Variants in RAB2A observed in about 807,000 individuals in gnomAD.
The protein encoded by RAB2A is RAB2A, member RAS oncogene family, also known as ras-related protein Rab-2A.
Under a neutral mutation model 32.5 loss-of-function variants are expected in RAB2A, and 7 were observed. That is an observed-to-expected ratio of 0.22 (90% CI 0.12 to 0.40). The LOEUF is 0.40. Ranked by LOEUF, RAB2A falls within the 10% of genes least tolerant of loss-of-function variation. The pLI is 1.00. For missense variants in RAB2A, 108 were observed against 260.7 expected, an observed-to-expected ratio of 0.41 and a Z score of 4.03; for synonymous variants, 79 against 85.2, an observed-to-expected ratio of 0.93 and a Z score of 0.40.
Position 60,584,299 on chromosome 8 carries a change from T to A in RAB2A, c.269+9T>A, listed in dbSNP as rs1803814020. ...GTTTACGATATTACACGGTGAGAAC[T>A]TGAAAACTTTGCAATTCAGTAGTTG... On this transcript the variant is annotated intron_variant, in intron 4 of 7. Coordinates refer to ENST00000262646, the MANE Select transcript of RAB2A (RefSeq NM_002865.3). 1.9e-6 allele frequency: 3 copies of A among 1,573,420 alleles called. No individual in the cohort carries two copies. The highest frequency in any genetic ancestry group is 2.6e-6 in the Non-Finnish European group (3 of 1,143,344).
intron 3 of RAB2A, among the ~76,000 whole-genome samples, chr8:60,581,924 TTTG>T (rs977708193): frequency 4.6e-5 from 7 of 150,934 alleles, no homozygotes; most frequent in South Asian, 2.1e-4. Flanking sequence ...TTTGTTGTTT[TTTG>T]TTGTTGTTGT....
chr8:60,584,181 ACT>A (rs1803811554), intron 3 of RAB2A, 25 bp from the exon 4 acceptor site: 1 of 1,532,214 alleles, frequency 6.5e-7, no homozygotes, highest in African/African-American at 1.4e-5. Flanking sequence ...ATTAAAGGAA[ACT>A]CTCCAACCTT....
chr8:60,586,771 T>TA (rs1034379280), intron 5 of RAB2A, among the ~76,000 whole-genome samples: 2 of 150,994 alleles, frequency 1.3e-5, no homozygotes, highest in Non-Finnish European at 1.5e-5. Flanking sequence ...AAATAATAAT[T>TA]AAAAAAAACT....
At chr8:60,594,954 G>GT (rs1803999909) in intron 6 of RAB2A, among the ~76,000 whole-genome samples, 1 of 151,962 alleles carries the variant, frequency 6.6e-6, no homozygotes, top group South Asian at 2.1e-4. Context: ...GTAGCACAGT[G>GT]TTTTGCAAGA....
At chr8:60,561,521 C>T (rs1808025678) in intron 2 of RAB2A, among the ~76,000 whole-genome samples, 1 of 152,132 alleles carries the variant, frequency 6.6e-6, no homozygotes, top group Non-Finnish European at 1.5e-5. Context: ...CTCATTGTCT[C>T]CCATTCTCTT....
At chr8:60,590,846 T>G (rs1389490803) in intron 5 of RAB2A, among the ~76,000 whole-genome samples, 1 of 151,420 alleles carries the variant, frequency 6.6e-6, no homozygotes, top group Non-Finnish European at 1.5e-5. Flanking sequence ...AGAAATACTA[T>G]TTATGGTTAT....
intron 2 of RAB2A, 113 bp downstream of exon 2, chr8:60,559,036 G>C (rs751692150): frequency 1.6e-4 from 119 of 733,224 alleles, no homozygotes; most frequent in Non-Finnish European, 2.1e-4. Context: ...AACTGGATTT[G>C]TTGTTACGCT....
intron 1 of RAB2A, among the ~76,000 whole-genome samples, chr8:60,555,014 A>G (rs1377468745): frequency 6.6e-6 from 1 of 152,274 alleles, no homozygotes; most frequent in African/African-American, 2.4e-5. Flanking sequence ...TAGAATTAAG[A>G]CATCAAGGAG....
intron 2 of RAB2A, chr8:60,570,155 C>A: frequency 5.0e-6 from 2 of 403,778 alleles, no homozygotes; most frequent in Non-Finnish European, 1.0e-5. Context: ...ACCTGCTCAC[C>A]CTTGGTATCA....
intron 5 of RAB2A, among the ~76,000 whole-genome samples, chr8:60,585,904 C>T (rs1255901013): frequency 6.6e-6 from 1 of 152,174 alleles, no homozygotes; most frequent in African/African-American, 2.4e-5. Flanking sequence ...TTTCCATGGA[C>T]AGGAATTATT....
chr8:60,538,777 G>A (rs765092579), intron 1 of RAB2A, among the ~76,000 whole-genome samples: 16 of 152,182 alleles, frequency 1.1e-4, no homozygotes, highest in Non-Finnish European at 1.8e-4. Context: ...GTCATGCCCT[G>A]TGCCCTACCA....
At chr8:60,594,224 G>C (rs1403819579) in intron 6 of RAB2A, among the ~76,000 whole-genome samples, 3 of 152,106 alleles carry the variant, frequency 2.0e-5, no homozygotes, top group African/African-American at 7.2e-5. Flanking sequence ...AGAAATAATG[G>C]CTGAAAACTT....
intron 6 of RAB2A, among the ~76,000 whole-genome samples, chr8:60,608,653 G>C (rs897387627): frequency 8.2e-6 from 1 of 122,404 alleles, no homozygotes; most frequent in Non-Finnish European, 1.6e-5. Context: ...TTTTTTACCA[G>C]TTCTTTGTTC....
chr8:60,570,295 T>C (rs1481638480), intron 2 of RAB2A, among the ~76,000 whole-genome samples: 1 of 152,106 alleles, frequency 6.6e-6, no homozygotes, highest in Non-Finnish European at 1.5e-5. Context: ...AAAATAAAAT[T>C]TTTCTCTCTC....
chr8:60,581,948 T>TTC (rs985892380), intron 3 of RAB2A, among the ~76,000 whole-genome samples: 8 of 146,566 alleles, frequency 5.5e-5, no homozygotes, highest in South Asian at 4.2e-4. Flanking sequence ...TTTTCTTTCT[T>TTC]TTTTTTTTTT....
intron 6 of RAB2A, among the ~76,000 whole-genome samples, chr8:60,615,061 G>C (rs1051028065): frequency 3.3e-5 from 5 of 152,184 alleles, no homozygotes; most frequent in Admixed American, 2.6e-4. Context: ...TTTGACATCA[G>C]TTTGTTAACA....
intron 1 of RAB2A, among the ~76,000 whole-genome samples, chr8:60,547,717 C>T (rs1355412607): frequency 6.4e-4 from 31 of 48,770 alleles, no homozygotes; most frequent in Admixed American, 1.0e-3. Flanking sequence ...ACCCCCCCAC[C>T]TCCCTCCCGG....
chr8:60,605,440 C>A (rs1343209479), intron 6 of RAB2A, among the ~76,000 whole-genome samples: 2 of 152,160 alleles, frequency 1.3e-5, no homozygotes, highest in Non-Finnish European at 2.9e-5. Flanking sequence ...AGAAGATGAC[C>A]ACGTCCTCCA....
rs117642999 is a variant in RAB2A, at chr8:60,600,083, A to G, written c.474+8114A>G. On this transcript the variant is annotated intron_variant, in intron 6 of 7. Coordinates refer to ENST00000262646, the MANE Select transcript of RAB2A (RefSeq NM_002865.3). ...CTCGGTAGTAAAAAAAAAAAAAACA[A>G]TGCAATTACAAAATGGGCAAGAGAG... 1.9e-3 allele frequency among the ~76,000 whole-genome samples: 289 copies of G among 151,764 alleles called. 3 individuals are homozygous for G. Among genetic ancestry groups the G allele is most frequent in the Admixed American group, 0.013 (191 of 15,240 alleles).
Sources: allele counts gnomAD v4.1 joint callset (sites outside exome capture counted in the v4.1 genomes callset), GRCh38; gene constraint gnomAD v4.1.1; transcripts MANE v1.5; gene names NCBI Gene and HGNC (gene_info 2026-07-23, HGNC 2026-07-21).